The following MARK2 variants were observed in gnomAD, a reference collection of about 807,000 sequenced individuals.
The protein encoded by MARK2 is serine/threonine-protein kinase MARK2.
MARK2 carries 16 observed loss-of-function variants against 89.8 expected under a neutral mutation model. That is an observed-to-expected ratio of 0.18 (90% CI 0.12 to 0.27). The LOEUF is 0.27. Ranked by LOEUF, MARK2 falls within the 10% of genes least tolerant of loss-of-function variation. MARK2 has a pLI of 1.00. For synonymous variants in MARK2, 382 were observed against 399.5 expected, an observed-to-expected ratio of 0.96 and a Z score of 0.52; for missense variants, 621 against 1,049.9, an observed-to-expected ratio of 0.59 and a Z score of 5.65.
rs568895764 is a variant in MARK2 at position 63,901,148 on chromosome 11, G to A, written c.1101+79G>A. 5.4e-6 allele frequency: 5 copies of A among 922,976 alleles called. No homozygotes were observed. The South Asian group carries it at 6.8e-5, about 13-fold the overall frequency. The allele number at this position is 922,976 out of a possible 1,614,324, so 57.2% of individuals were successfully genotyped here. On this transcript the variant is annotated intron_variant, in intron 11 of 18. Coordinates refer to ENST00000402010, the MANE Select transcript of MARK2 (RefSeq NM_001039469.3). ...CCTATGCTTCTAACACCTGTTGAGG[G>A]CAGAAGCTCATCTCTGAGTAGGTGT...
In MARK2 at chr11:63,900,854, T is replaced by A. The variant is rs771544408; in HGVS notation, c.963T>A (p.Pro321=). 1.2e-6 allele frequency: 2 copies of A among 1,614,058 alleles called. No individual in the cohort carries two copies. Among genetic ancestry groups the A allele is most frequent in the African/African-American group, 1.3e-5 (1 of 74,920 alleles). Residue 321 remains proline (P), a synonymous_variant, in exon 10 of 19, where the codon CCT becomes CCA. Coordinates refer to ENST00000402010, the MANE Select transcript of MARK2 (RefSeq NM_001039469.3). This position sits in a 1 kb window ranked among gnomAD's most constrained non-coding sequence, Gnocchi z 4.7. ...DELKPYVEPL[P]DYKDPRRTEL... ...TAAAGCCTTACGTGGAGCCACTCCC[T>A]GACTACAAGGACCCCCGGCGGACAG... is the stretch of plus-strand genomic sequence containing the variant.
At chr11:63,845,592 G>A (rs2016238461) in intron 1 of MARK2, among the ~76,000 whole-genome samples, 1 of 152,104 alleles carries the variant, frequency 6.6e-6, no homozygotes, top group Admixed American at 6.6e-5. Flanking sequence ...AAACCTGTGG[G>A]GGAGGAAGTC....
chr11:63,855,272 A>T (rs1175504306), intron 1 of MARK2, among the ~76,000 whole-genome samples: 1 of 152,178 alleles, frequency 6.6e-6, no homozygotes, highest in African/African-American at 2.4e-5. Flanking sequence ...TAATGTCAGC[A>T]CTTTGGGAAG....
chr11:63,846,332 C>T (rs549187371), intron 1 of MARK2, among the ~76,000 whole-genome samples: 2 of 151,798 alleles, frequency 1.3e-5, no homozygotes, highest in Non-Finnish European at 2.9e-5. Flanking sequence ...GCCTGAGCAA[C>T]ATAGTGAGAC....
intron 1 of MARK2, among the ~76,000 whole-genome samples, chr11:63,875,362 G>A (rs749631806): frequency 5.9e-5 from 9 of 151,502 alleles, no homozygotes; most frequent in Non-Finnish European, 1.0e-4. Context: ...CTCGTGATCC[G>A]CCCACCTCAG....
At position 63,903,122 on chromosome 11, in the gene MARK2, G is replaced by C; in HGVS notation, c.1478G>C (p.Ser493Thr). ...SRNSPLLERA[S>T]LGQASIQNGK... ...AATTCCCCACTTTTGGAGCGGGCCA[G>C]CCTCGGCCAGGCCTCCATCCAGAAT... is the stretch of plus-strand genomic sequence containing the variant. The change falls in exon 14 of 19, where the codon AGC (serine) becomes ACC (threonine). Residue 493 changes from serine (S) to threonine (T), a missense_variant. Ser to Thr is a moderately conservative substitution (Grantham distance 58, BLOSUM62 1). Around this residue, in one of 5 missense-constraint regions of MARK2, gnomAD observed 397 missense variants for 567.8 expected, o/e 0.70. Coordinates refer to ENST00000402010, the MANE Select transcript of MARK2 (RefSeq NM_001039469.3). This position sits in a 1 kb window ranked among gnomAD's most constrained non-coding sequence, Gnocchi z 5.1. 2 of 1,613,886 alleles carry C rather than the reference G, an allele frequency of 1.2e-6. No homozygotes were observed. The highest frequency in any genetic ancestry group is 1.7e-6 in the Non-Finnish European group (2 of 1,179,982).
intron 4 of MARK2, 63 bp downstream of exon 4, chr11:63,898,343 C>A: frequency 2.0e-6 from 3 of 1,480,444 alleles, no homozygotes; most frequent in South Asian, 2.3e-5. Context: ...TCCAGCATGT[C>A]ATCTTCTCCC....
rs1344818697 is a variant in MARK2, at chr11:63,906,099, T to G, written c.1946T>G (p.Phe649Cys). 12 of 1,353,482 alleles carry G rather than the reference T, an allele frequency of 8.9e-6. No homozygotes were observed. The highest frequency in any genetic ancestry group is 1.0e-5 in the Non-Finnish European group (11 of 1,048,560). 83.8% of individuals were successfully genotyped at this position (1,353,482 alleles called of 1,614,324 possible). A position where few individuals can be genotyped will look rare whatever the true frequency, so the allele number is the denominator to read the frequency against. ...TSKFVRRNLSFRFARRNLNEP... is the reference protein window; with the variant it reads ...TSKFVRRNLSCRFARRNLNEP... ...GTTTGTTTTTTTAGAAATCTGTCTT[T>G]CAGGTTTGCCAGAAGGTAGGCGTTG... The change falls in exon 17 of 19, where the codon TTC (phenylalanine) becomes TGC (cysteine). Residue 649 changes from phenylalanine to cysteine, a missense_variant. Physicochemically the swap from Phe to Cys is radical, Grantham distance 205. This residue lies in a region of MARK2 where 397 missense variants were observed against 567.8 expected (regional missense o/e 0.70). Transcript: ENST00000402010.
intron 1 of MARK2, chr11:63,868,797 G>A (rs779013654): frequency 4.2e-5 from 19 of 455,946 alleles, no homozygotes; most frequent in South Asian, 1.5e-4. Flanking sequence ...ATTGTCCAGC[G>A]TTGGAGAGAT....
intron 1 of MARK2, among the ~76,000 whole-genome samples, chr11:63,844,517 A>G (rs1409257129): frequency 6.6e-6 from 1 of 152,166 alleles, no homozygotes; most frequent in African/African-American, 2.4e-5. Flanking sequence ...CAATTTATGG[A>G]CTTCGGAAAG....
intron 1 of MARK2, among the ~76,000 whole-genome samples, chr11:63,881,397 G>A (rs1389649821): frequency 6.6e-6 from 1 of 152,174 alleles, no homozygotes; most frequent in Admixed American, 6.5e-5. Flanking sequence ...CGAATGCCTC[G>A]AAAGAGGGGA....
Position 63,903,201 on chromosome 11 carries a change from T to C in MARK2, c.1514+43T>C. The C allele has an allele frequency of 1.4e-6, 2 of 1,440,598 alleles. No individual in the cohort carries two copies. The highest frequency in any genetic ancestry group is 1.9e-6 in the Non-Finnish European group (2 of 1,027,582). 89.2% of individuals were successfully genotyped at this position (1,440,598 alleles called of 1,614,324 possible). A position where few individuals can be genotyped will look rare whatever the true frequency, so the allele number is the denominator to read the frequency against. ...TGCCTGCCTCACTCCCTAGGAGCCA[T>C]GTCTCACAGGGTGATGTCTGTCAGC... On this transcript the variant is annotated intron_variant, in intron 14 of 18. Transcript: ENST00000402010. This position sits in a 1 kb window ranked among gnomAD's most constrained non-coding sequence, Gnocchi z 5.1.
At chr11:63,895,658 C>CTTTTT (rs544118942) in intron 3 of MARK2, 25 bp downstream of exon 3, 124 of 1,163,126 alleles carry the variant, frequency 1.1e-4, no homozygotes, top group South Asian at 4.0e-4. Context: ...CCTCCTGTCC[C>CTTTTT]TTTTTTTTTT....
chr11:63,872,045 C>T (rs1346383755), intron 1 of MARK2, among the ~76,000 whole-genome samples: 1 of 152,210 alleles, frequency 6.6e-6, no homozygotes, highest in Non-Finnish European at 1.5e-5. Flanking sequence ...AGAGAACACT[C>T]CTGCCACCGG....
intron 17 of MARK2, among the ~76,000 whole-genome samples, chr11:63,907,982 C>A (rs1024894820): frequency 6.6e-6 from 1 of 152,250 alleles, no homozygotes; most frequent in Non-Finnish European, 1.5e-5. Context: ...CCCCCTCCTC[C>A]CCCAGAGCAG....
intron 17 of MARK2, among the ~76,000 whole-genome samples, chr11:63,906,472 A>ACCCAC (rs1941343921): frequency 6.9e-6 from 1 of 144,622 alleles, no homozygotes; most frequent in Non-Finnish European, 1.5e-5. Flanking sequence ...GTCTCCTCTC[A>ACCCAC]CCCACCCCAC....
chr11:63,891,170 T>C (rs1420202239), intron 1 of MARK2, among the ~76,000 whole-genome samples: 1 of 151,880 alleles, frequency 6.6e-6, no homozygotes, highest in Admixed American at 6.6e-5. Flanking sequence ...GAACAGCAGG[T>C]CTTGAACTCT....
intron 1 of MARK2, among the ~76,000 whole-genome samples, chr11:63,889,608 C>G (rs746238546): frequency 7.9e-5 from 12 of 152,268 alleles, no homozygotes; most frequent in Non-Finnish European, 1.8e-4. Context: ...AGGGGCCTGA[C>G]AGGCCCAGTG....
intron 1 of MARK2, among the ~76,000 whole-genome samples, chr11:63,886,032 G>C (rs956021828): frequency 6.6e-6 from 1 of 151,904 alleles, no homozygotes; most frequent in African/African-American, 2.4e-5. Context: ...GGGAGGCTGA[G>C]GCAGGAGAGT....
Sources: allele counts gnomAD v4.1 joint callset (sites outside exome capture counted in the v4.1 genomes callset), GRCh38; gene constraint gnomAD v4.1.1; regional missense constraint gnomAD v4.1.1; non-coding constraint Gnocchi (gnomAD v3.1); transcripts MANE v1.5; gene names NCBI Gene and HGNC (gene_info 2026-07-23, HGNC 2026-07-21).